Variants in DSG2 observed in about 807,000 individuals in gnomAD.
DSG2 encodes the protein desmoglein-2.
In DSG2, 45 loss-of-function variants were observed where a neutral mutation model predicts 75.6. The observed-to-expected ratio is 0.60, with a 90% CI of 0.47 to 0.76. DSG2 has a LOEUF of 0.76. Ranked by LOEUF, DSG2 falls within the 30% of genes least tolerant of loss-of-function variation. The pLI, the probability that DSG2 is intolerant of heterozygous loss-of-function variation, is 0.00. For synonymous variants in DSG2, 429 were observed against 483.9 expected, an observed-to-expected ratio of 0.89 and a Z score of 1.49; for missense variants, 1,267 against 1,357.4, an observed-to-expected ratio of 0.93 and a Z score of 1.05.
In DSG2 at chr18:31,546,168, A is replaced by C. The variant is rs778667729; in HGVS notation, c.2782A>C (p.Met928Leu). Residue 928 changes from methionine (M) to leucine (L), a missense_variant, in exon 15 of 15, where the codon ATG (methionine) becomes CTG (leucine). By Grantham distance (15) the Met-to-Leu change is conservative (BLOSUM62 2). Transcript: ENST00000261590. ...QKVATPLPDP[M>L]ASRNVIATET... Reference sequence around the variant, plus strand: ...GGTAGCTACACCTCTTCCTGACCCAATGGCTTCTAGAAATGTGATAGCAAC... The same window carrying C: ...GGTAGCTACACCTCTTCCTGACCCACTGGCTTCTAGAAATGTGATAGCAAC... The C allele has an allele frequency of 1.2e-6, 2 of 1,614,006 alleles. No homozygotes were observed. Among genetic ancestry groups the C allele is most frequent in the African/African-American group, 2.7e-5 (2 of 74,898 alleles).
At chr18:31,532,288 A>G (rs1479150597) in intron 9 of DSG2, among the ~76,000 whole-genome samples, 1 of 152,156 alleles carries the variant, frequency 6.6e-6, no homozygotes, top group Non-Finnish European at 1.5e-5. Flanking sequence ...CAAAGGAACA[A>G]GGGAACTCAC....
chr18:31,520,824 G>T lies in DSG2; in HGVS notation c.238G>T (p.Glu80Ter). 1 of 1,613,656 alleles carries T rather than the reference G, an allele frequency of 6.2e-7. No homozygotes were observed. Among genetic ancestry groups the T allele is most frequent in the Non-Finnish European group, 8.5e-7 (1 of 1,179,778 alleles). Reference sequence around the variant, plus strand: ...TTAGATACATTCTGATCTTGCAGAAGAAAGAGGACTCAAAATTACTTACAA... The same window carrying T: ...TTAGATACATTCTGATCTTGCAGAATAAAGAGGACTCAAAATTACTTACAA... ...IAKIHSDLAE[E>*]RGLKITYKYT... The change falls in exon 4 of 15, where the codon GAA becomes TAA. Residue 80 changes from glutamate to a stop codon, truncating the protein, a stop_gained. Coordinates refer to ENST00000261590, the MANE Select transcript of DSG2 (RefSeq NM_001943.5). LOFTEE classifies it high-confidence loss of function.
chr18:31,531,048 C>A lies in DSG2; in HGVS notation c.1076C>A (p.Ala359Asp). The change falls in exon 9 of 15, where the codon GCT (alanine) becomes GAT (aspartate). Residue 359 changes from alanine (A) to aspartate (D), a missense_variant. Coordinates refer to ENST00000261590, the MANE Select transcript of DSG2 (RefSeq NM_001943.5). ...AGTGTTATTGTCGCTAATAAAGCAG[C>A]TTTTCACAAGTCGATTAGGAGTAAA... Reference protein sequence around the residue: ...DFSVIVANKAAFHKSIRSKYK... With the variant: ...DFSVIVANKADFHKSIRSKYK... The A allele has an allele frequency of 6.2e-7, 1 of 1,614,102 alleles. No individual in the cohort carries two copies. Among genetic ancestry groups the A allele is most frequent in the Non-Finnish European group, 8.5e-7 (1 of 1,179,994 alleles).
At position 31,532,250 on chromosome 18, in the gene DSG2, G is replaced by A. The variant is rs543747188; in HGVS notation, c.1280+998G>A. 6.4e-4 allele frequency among the ~76,000 whole-genome samples: 98 copies of A among 152,282 alleles called. 2 individuals carry two copies. In the South Asian group the frequency reaches 0.019, roughly 30 times the overall value. ...AGTCTTGCTGTCTGCTTCCAAGATG[G>A]CACCATCTTGCTGCATCCTCACGTG... On this transcript the variant is annotated intron_variant, in intron 9 of 14. Transcript: ENST00000261590.
chr18:31,498,672 G>A (rs1175054153), intron 1 of DSG2, among the ~76,000 whole-genome samples: 1 of 152,156 alleles, frequency 6.6e-6, no homozygotes, highest in African/African-American at 2.4e-5. Flanking sequence ...GGAGGCAATA[G>A]GGAACAACCT....
At chr18:31,504,130 A>G (rs2073027319) in intron 1 of DSG2, among the ~76,000 whole-genome samples, 1 of 152,212 alleles carries the variant, frequency 6.6e-6, no homozygotes, top group South Asian at 2.1e-4. Context: ...GCACTGTTCC[A>G]GGTCTCACCT....
intron 9 of DSG2, among the ~76,000 whole-genome samples, chr18:31,533,849 G>A (rs2073212065): frequency 6.6e-6 from 1 of 152,130 alleles, no homozygotes; most frequent in African/African-American, 2.4e-5. Context: ...ACTCATTCCT[G>A]TGTGCCTCGA....
At chr18:31,505,754 C>T (rs528814478) in intron 1 of DSG2, among the ~76,000 whole-genome samples, 1 of 151,576 alleles carries the variant, frequency 6.6e-6, no homozygotes, top group East Asian at 1.9e-4. Context: ...TTCCGCCTCC[C>T]AGGTTCCAGC....
chr18:31,524,683 C>CA lies in DSG2; in HGVS notation c.829-19dup. 1 of 1,613,728 alleles carries CA rather than the reference C, an allele frequency of 6.2e-7. No individual in the cohort carries two copies. Among genetic ancestry groups the CA allele is most frequent in the Non-Finnish European group, 8.5e-7 (1 of 1,179,804 alleles). ...ATTTGTATTTCATTGAAATAAAAAT[C>CA]ATGTGTTCATGTTTTGCAGCTTGAA... On this transcript the variant is annotated intron_variant, in intron 7 of 14. Transcript: ENST00000261590.
In DSG2 at chr18:31,524,785, A is replaced by G; in HGVS notation, c.911A>G (p.Asp304Gly). The G allele has an allele frequency of 1.2e-6, 2 of 1,614,204 alleles. No homozygotes were observed. The highest frequency in any genetic ancestry group is 8.5e-7 in the Non-Finnish European group (1 of 1,180,020). ...KVFDADEIGS[D>G]NWLANFTFAS... ...TTCGATGCAGATGAAATAGGTTCTG[A>G]TAATTGGCTGGCAAATTTTACATTT... The change falls in exon 8 of 15, where the codon GAT (aspartate) becomes GGT (glycine). Residue 304 changes from aspartate (D) to glycine (G), a missense_variant. Asp to Gly is a moderately conservative substitution (Grantham distance 94). Transcript: ENST00000261590.
chr18:31,515,307 G>T (rs756880952), intron 1 of DSG2, among the ~76,000 whole-genome samples: 1 of 151,988 alleles, frequency 6.6e-6, no homozygotes, highest in Non-Finnish European at 1.5e-5. Context: ...GGGTTTTACC[G>T]TGTTAGCCAG....
chr18:31,544,915 T>C (rs1310424442), intron 14 of DSG2, among the ~76,000 whole-genome samples: 2 of 152,194 alleles, frequency 1.3e-5, no homozygotes, highest in African/African-American at 4.8e-5. Flanking sequence ...AAGTTACTTC[T>C]GTCCCCCTCT....
Position 31,531,069 on chromosome 18 carries a change from G to A in DSG2, c.1097G>A (p.Ser366Asn), listed in dbSNP as rs768504765. 6.2e-7 allele frequency: 1 copy of A among 1,614,106 alleles called. No homozygotes were observed. The highest frequency in any genetic ancestry group is 1.1e-5 in the South Asian group (1 of 91,084). ...NKAAFHKSIRSKYKPTPIPIK... is the reference protein window; with the variant it reads ...NKAAFHKSIRNKYKPTPIPIK... ...GCAGCTTTTCACAAGTCGATTAGGAGTAAATACAAGCCTACACCCATTCCC... is the reference window on the plus strand; with the variant it reads ...GCAGCTTTTCACAAGTCGATTAGGAATAAATACAAGCCTACACCCATTCCC... Residue 366 changes from serine to asparagine, a missense_variant, in exon 9 of 15, where the codon AGT becomes AAT. Coordinates refer to ENST00000261590, the MANE Select transcript of DSG2 (RefSeq NM_001943.5).
intron 8 of DSG2, among the ~76,000 whole-genome samples, chr18:31,527,449 C>G (rs1269575404): frequency 6.6e-6 from 1 of 152,026 alleles, no homozygotes; most frequent in Non-Finnish European, 1.5e-5. Context: ...TTATTTCTAT[C>G]AAGAGGGATG....
Position 31,536,541 on chromosome 18 carries a change from G to A in DSG2, c.1651+112G>A. The A allele has an allele frequency of 4.1e-6, 5 of 1,206,792 alleles. No homozygotes were observed. In the South Asian group the frequency reaches 6.8e-5, roughly 16 times the overall value. The allele number at this position is 1,206,792 out of a possible 1,614,324, so 74.8% of individuals were successfully genotyped here. A position where few individuals can be genotyped will look rare whatever the true frequency, so the allele number is the denominator to read the frequency against. On this transcript the variant is annotated intron_variant, in intron 11 of 14. Transcript: ENST00000261590. ...TATATTTCCAATATAGTTTTTTAAAGGAGTTTATGAAATGAGGTCCTGAAC... is the reference window on the plus strand; with the variant it reads ...TATATTTCCAATATAGTTTTTTAAAAGAGTTTATGAAATGAGGTCCTGAAC...
intron 9 of DSG2, among the ~76,000 whole-genome samples, chr18:31,534,821 T>C (rs771120823): frequency 1.3e-5 from 2 of 152,202 alleles, no homozygotes; most frequent in Non-Finnish European, 2.9e-5. Flanking sequence ...CTGCGATCAT[T>C]GATTTTTAAA....
intron 11 of DSG2, among the ~76,000 whole-genome samples, chr18:31,538,308 T>C (rs1310277932): frequency 9.9e-5 from 15 of 152,210 alleles, no homozygotes; most frequent in Admixed American, 7.9e-4. Flanking sequence ...CAGCCCATCA[T>C]TGAAAATGAT....
intron 1 of DSG2, among the ~76,000 whole-genome samples, chr18:31,499,972 G>T (rs1443616756): frequency 7.1e-6 from 1 of 141,814 alleles, no homozygotes; most frequent in Non-Finnish European, 1.5e-5. Flanking sequence ...GTTTATTTTT[G>T]TCCAGAGAGT....
intron 3 of DSG2, 28 bp downstream of exon 3, chr18:31,519,965 C>T (rs761452424): frequency 6.2e-7 from 1 of 1,614,030 alleles, no homozygotes; most frequent in African/African-American, 1.3e-5. Context: ...ACATGAAATA[C>T]ATGCATATGA....
Sources: allele counts gnomAD v4.1 joint callset (sites outside exome capture counted in the v4.1 genomes callset), GRCh38; gene constraint gnomAD v4.1.1; transcripts MANE v1.5; gene names NCBI Gene and HGNC (gene_info 2026-07-23, HGNC 2026-07-21).